ST8SIA1: variants seen among roughly 807,000 people sequenced by gnomAD.
ST8SIA1 encodes the protein alpha-N-acetylneuraminide alpha-2,8-sialyltransferase.
A neutral mutation model predicts 35.9 loss-of-function variants in ST8SIA1; 16 were observed. The observed-to-expected ratio is 0.45, with a 90% CI of 0.30 to 0.68. The LOEUF (loss-of-function observed/expected upper bound fraction) is 0.68. Ranked by LOEUF, ST8SIA1 falls within the 30% of genes least tolerant of loss-of-function variation. ST8SIA1 has a pLI of 0.09. For synonymous variants in ST8SIA1, 170 were observed against 169.6 expected, an observed-to-expected ratio of 1.00 and a Z score of -0.02; for missense variants, 383 against 453.6, an observed-to-expected ratio of 0.84 and a Z score of 1.41.
intron 1 of ST8SIA1, among the ~76,000 whole-genome samples, chr12:22,304,170 G>A (rs1398400855): frequency 6.6e-6 from 1 of 152,010 alleles, no homozygotes; most frequent in African/African-American, 2.4e-5. Context: ...CTGAACTACG[G>A]TCATAAGATT....
At chr12:22,210,016 T>A (rs1280354573) in intron 4 of ST8SIA1, among the ~76,000 whole-genome samples, 1 of 152,146 alleles carries the variant, frequency 6.6e-6, no homozygotes, top group Non-Finnish European at 1.5e-5. Flanking sequence ...ATGCAGGAAA[T>A]TAGAAACCAC....
At position 22,225,956 on chromosome 12, in the gene ST8SIA1, T is replaced by G. The variant is rs543922426; in HGVS notation, c.584+23050A>C. Among the ~76,000 whole-genome samples, 4 of 152,278 alleles carry G rather than the reference T, an allele frequency of 2.6e-5. No homozygotes were observed. The South Asian group carries it at 8.3e-4, about 32-fold the overall frequency. ...TCAGCAAACACTAAACATGAAGGCT[T>G]TCTTCCCCACCCCAGAGCTGGTTTT... On this transcript the variant is annotated intron_variant, in intron 4 of 4. Coordinates refer to ENST00000396037, the MANE Select transcript of ST8SIA1 (RefSeq NM_003034.4).
At chr12:22,266,672 G>A (rs1250040219) in intron 2 of ST8SIA1, among the ~76,000 whole-genome samples, 4 of 151,852 alleles carry the variant, frequency 2.6e-5, no homozygotes, top group African/African-American at 4.8e-5. Flanking sequence ...TGGCATGGAC[G>A]TGTAGTCCCA....
chr12:22,227,858 T>A (rs1565571968), intron 4 of ST8SIA1, among the ~76,000 whole-genome samples: 1 of 152,158 alleles, frequency 6.6e-6, no homozygotes, highest in African/African-American at 2.4e-5. Context: ...TCATCTAAAA[T>A]TTTTGCTAAA....
chr12:22,326,099 G>A, intron 1 of ST8SIA1: 1 of 465,052 alleles, frequency 2.2e-6, no homozygotes, highest in Non-Finnish European at 3.8e-6. Flanking sequence ...TGAAGCCATG[G>A]AAAACAAAAC....
intron 1 of ST8SIA1, among the ~76,000 whole-genome samples, chr12:22,313,309 T>C (rs1866476295): frequency 6.6e-6 from 1 of 152,140 alleles, no homozygotes. Context: ...AAGTTCATTT[T>C]TTTTCAACAA....
chr12:22,200,177 A>G lies in ST8SIA1; in HGVS notation c.*1375T>C, dbSNP rs2120598000. The G allele has an allele frequency of 6.6e-6, 1 of 152,242 alleles. No individual in the cohort carries two copies. Among genetic ancestry groups the G allele is most frequent in the East Asian group, 1.9e-4 (1 of 5,192 alleles). The allele number at this position is 152,242 out of a possible 1,614,324, so 9.4% of individuals were successfully genotyped here. On this transcript the variant is annotated 3_prime_UTR_variant, in exon 5 of 5. Transcript: ENST00000396037. ...TTTGGGTAAAATCAGGATGAGTAAG[A>G]CAATTCTGCTCATTCCGGGTAAGCA...
At chr12:22,217,230 C>A (rs1467194748) in intron 4 of ST8SIA1, among the ~76,000 whole-genome samples, 2 of 152,110 alleles carry the variant, frequency 1.3e-5, no homozygotes, top group African/African-American at 4.8e-5. Context: ...TTTTGAACTT[C>A]TCAGAAGAGC....
chr12:22,255,359 A>G lies in ST8SIA1; in HGVS notation c.412T>C (p.Cys138Arg). 3 of 1,614,120 alleles carry G rather than the reference A, an allele frequency of 1.9e-6. No homozygotes were observed. The highest frequency in any genetic ancestry group is 2.5e-6 in the Non-Finnish European group (3 of 1,179,998). ...ATCCCACCATTTCCCACCACCGCGC[A>G]TTTCTTCAATGGCAGCTGGAATGGG... The part of the protein sequence containing the change: ...ATPFQLPLKK[C>R]AVVGNGGILK... Residue 138 changes from cysteine (C) to arginine (R), a missense_variant, in exon 3 of 5, where the codon TGC (cysteine) becomes CGC (arginine). By Grantham distance (180) the Cys-to-Arg change is radical (BLOSUM62 -3). Coordinates refer to ENST00000396037, the MANE Select transcript of ST8SIA1 (RefSeq NM_003034.4).
intron 2 of ST8SIA1, among the ~76,000 whole-genome samples, chr12:22,278,120 T>C (rs1865992784): frequency 6.6e-6 from 1 of 152,172 alleles, no homozygotes; most frequent in Non-Finnish European, 1.5e-5. Flanking sequence ...CAGGAAAGCA[T>C]AGTTGTGCTG....
intron 4 of ST8SIA1, among the ~76,000 whole-genome samples, chr12:22,219,139 T>C (rs1158409): frequency 0.77 from 117,762 of 152,062 alleles, 45,806 homozygotes; most frequent in South Asian, 0.93. Context: ...ATATATTACA[T>C]ATTTATTATA....
rs1555151635 is a variant in ST8SIA1 at position 22,195,209 on chromosome 12, A to AAAAAG, written c.*6342_*6343insCTTTT. ...TCAACAAAAAAAAAAAAAAAAAAAA[A>AAAAAG]AAAGAAAGAAAGAAAGAAAGGAAAA... On this transcript the variant is annotated 3_prime_UTR_variant, in exon 5 of 5. Transcript: ENST00000396037. The AAAAAG allele has an allele frequency of 2.0e-5, 3 of 148,644 alleles. No homozygotes were observed. Among genetic ancestry groups the AAAAAG allele is most frequent in the African/African-American group, 7.5e-5 (3 of 40,164 alleles). 9.2% of individuals were successfully genotyped at this position (148,644 alleles called of 1,614,324 possible). A position where few individuals can be genotyped will look rare whatever the true frequency, so the allele number is the denominator to read the frequency against.
At position 22,199,599 on chromosome 12, in the gene ST8SIA1, T is replaced by A. The variant is rs1488029591; in HGVS notation, c.*1953A>T. ...GCATCATTACTCTCGAATTCTTAAC[T>A]TTCTAAGTAACATTATAATCTGCAC... On this transcript the variant is annotated 3_prime_UTR_variant, in exon 5 of 5. Transcript: ENST00000396037. 6.6e-6 allele frequency: 1 copy of A among 152,190 alleles called. No individual in the cohort carries two copies. Among genetic ancestry groups the A allele is most frequent in the African/African-American group, 2.4e-5 (1 of 41,450 alleles). 9.4% of individuals were successfully genotyped at this position (152,190 alleles called of 1,614,324 possible).
chr12:22,274,247 G>T (rs61921824), intron 2 of ST8SIA1, among the ~76,000 whole-genome samples: 2 of 152,234 alleles, frequency 1.3e-5, no homozygotes, highest in South Asian at 4.1e-4. Flanking sequence ...GACAATCAAG[G>T]GTTTTAAGCA....
intron 1 of ST8SIA1, among the ~76,000 whole-genome samples, chr12:22,328,141 G>T (rs537440278): frequency 6.6e-6 from 1 of 152,210 alleles, no homozygotes; most frequent in Non-Finnish European, 1.5e-5. Context: ...TGTCAGGAGG[G>T]TTGAAATTAA....
intron 4 of ST8SIA1, among the ~76,000 whole-genome samples, chr12:22,211,885 A>G (rs1442228843): frequency 6.6e-6 from 1 of 151,890 alleles, no homozygotes; most frequent in Non-Finnish European, 1.5e-5. Flanking sequence ...CTAATTTTGT[A>G]TTTTTAGTAG....
chr12:22,293,457 C>T (rs946274286), intron 1 of ST8SIA1, among the ~76,000 whole-genome samples: 2 of 152,176 alleles, frequency 1.3e-5, no homozygotes, highest in Middle Eastern at 3.2e-3. Context: ...TAATGCATTT[C>T]CTGCAGACAG....
intron 4 of ST8SIA1, among the ~76,000 whole-genome samples, chr12:22,204,427 T>A (rs1865084527): frequency 6.6e-6 from 1 of 152,210 alleles, no homozygotes; most frequent in Non-Finnish European, 1.5e-5. Context: ...CATTCTGTCA[T>A]TTCACCATCA....
chr12:22,278,545 T>C (rs1261417958), intron 2 of ST8SIA1, among the ~76,000 whole-genome samples: 7 of 152,204 alleles, frequency 4.6e-5, no homozygotes, highest in African/African-American at 1.4e-4. Context: ...CCAAGATGTA[T>C]ATAAAATCAG....
Sources: gnomAD v4.1 joint callset for allele counts (sites outside exome capture counted in the v4.1 genomes callset) on GRCh38, gnomAD v4.1.1 for gene constraint, MANE v1.5 for transcripts, NCBI Gene and HGNC (gene_info 2026-07-23, HGNC 2026-07-21) for gene names.